Variants in RAB11FIP3 observed in about 807,000 individuals in gnomAD.
The protein encoded by RAB11FIP3 is rab11 family-interacting protein 3.
RAB11FIP3 carries 17 observed loss-of-function variants against 77.8 expected under a neutral mutation model. The observed-to-expected ratio is 0.22, with a 90% CI of 0.15 to 0.33. The LOEUF (loss-of-function observed/expected upper bound fraction) is 0.33. Ranked by LOEUF, RAB11FIP3 falls within the 10% of genes least tolerant of loss-of-function variation. The pLI, the probability that RAB11FIP3 is intolerant of heterozygous loss-of-function variation, is 1.00. For missense variants in RAB11FIP3, 1,005 were observed against 1,011.2 expected (o/e 0.99, Z 0.08); for synonymous variants, 437 against 448.2 (o/e 0.98, Z 0.31).
chr16:518,076 T>C (rs918048536), intron 9 of RAB11FIP3, among the ~76,000 whole-genome samples: 1 of 152,094 alleles, frequency 6.6e-6, no homozygotes. Context: ...AGTGAGACTG[T>C]CTCAAAATAA....
chr16:477,468 G>C (rs947722204), intron 3 of RAB11FIP3, among the ~76,000 whole-genome samples: 1 of 152,164 alleles, frequency 6.6e-6, no homozygotes, highest in Non-Finnish European at 1.5e-5. Flanking sequence ...TGTGCGCTGG[G>C]CTTCGCATCC....
At position 461,948 on chromosome 16, in the gene RAB11FIP3, C is replaced by T. The variant is rs1285889374; in HGVS notation, c.808+451C>T. On this transcript the variant is annotated intron_variant, in intron 2 of 13. Transcript: ENST00000262305. This position sits in a 1 kb window ranked among gnomAD's most constrained non-coding sequence, Gnocchi z 4.5. ...GTAATCAGCATGCTTCCGCGCACAC[C>T]GCCCTGAACACTGCAGCCCGTACCA... Among the ~76,000 whole-genome samples, 3 of 152,326 alleles carry T rather than the reference C, an allele frequency of 2.0e-5. No individual in the cohort carries two copies. Among genetic ancestry groups the T allele is most frequent in the African/African-American group, 7.2e-5 (3 of 41,582 alleles).
chr16:430,291 A>T (rs2055015733), intron 1 of RAB11FIP3, among the ~76,000 whole-genome samples: 1 of 152,052 alleles, frequency 6.6e-6, no homozygotes, highest in African/African-American at 2.4e-5. Flanking sequence ...GTGAGAAAGG[A>T]TTACTTTAAT....
intron 6 of RAB11FIP3, 99 bp downstream of exon 6, chr16:496,958 T>A: frequency 7.6e-7 from 1 of 1,324,058 alleles, no homozygotes; most frequent in Non-Finnish European, 1.1e-6. Context: ...CCAAGGTATT[T>A]TTTAAACTCT....
intron 1 of RAB11FIP3, among the ~76,000 whole-genome samples, chr16:453,987 C>T (rs2055454375): frequency 1.3e-5 from 2 of 152,170 alleles, no homozygotes; most frequent in South Asian, 4.1e-4. Flanking sequence ...GCCTACCTGT[C>T]TTTCTTCCAA....
chr16:517,998 C>T (rs2032495793), intron 9 of RAB11FIP3, among the ~76,000 whole-genome samples: 2 of 152,168 alleles, frequency 1.3e-5, no homozygotes, highest in South Asian at 2.1e-4. Flanking sequence ...AGGAGAATGG[C>T]GTGAACCCGG....
At chr16:493,935 G>C (rs1424969645) in intron 5 of RAB11FIP3, among the ~76,000 whole-genome samples, 3 of 138,776 alleles carry the variant, frequency 2.2e-5, no homozygotes, top group Non-Finnish European at 4.6e-5. Context: ...ACAGAGTCTC[G>C]ATCTGTCACC....
At chr16:464,847 T>C (rs963452422) in intron 2 of RAB11FIP3, among the ~76,000 whole-genome samples, 2 of 152,198 alleles carry the variant, frequency 1.3e-5, no homozygotes, top group African/African-American at 4.8e-5. Context: ...TTTGTGCCAC[T>C]GCACTCCATG....
At chr16:476,572 A>C (rs1482476071) in intron 3 of RAB11FIP3, among the ~76,000 whole-genome samples, 2 of 152,126 alleles carry the variant, frequency 1.3e-5, no homozygotes, top group Non-Finnish European at 2.9e-5. Flanking sequence ...TGGCCAGGGA[A>C]GGGCATCGGG....
At chr16:440,431 C>T (rs1275283708) in intron 1 of RAB11FIP3, among the ~76,000 whole-genome samples, 2 of 152,168 alleles carry the variant, frequency 1.3e-5, no homozygotes, top group Non-Finnish European at 2.9e-5. Flanking sequence ...TCGCTCAGCC[C>T]CTCTGCTGTC....
In RAB11FIP3 at chr16:514,280, C is replaced by G. The variant is rs2032311079; in HGVS notation, c.1640+3480C>G. ...ACCTGCGGTCAGCCCAGCACGAGGC[C>G]TCTGGCATCTTGGGGACTTCCCCAG... On this transcript the variant is annotated intron_variant, in intron 9 of 13. Transcript: ENST00000262305. The surrounding 1 kb of genome is among the most constrained non-coding windows in gnomAD (Gnocchi z 4.6). Among the ~76,000 whole-genome samples, 1 of 152,238 alleles carries G rather than the reference C, an allele frequency of 6.6e-6. No individual in the cohort carries two copies. The highest frequency in any genetic ancestry group is 6.5e-5 in the Admixed American group (1 of 15,286).
intron 1 of RAB11FIP3, among the ~76,000 whole-genome samples, chr16:431,787 C>T (rs1206396330): frequency 7.4e-5 from 11 of 148,164 alleles, no homozygotes; most frequent in Non-Finnish European, 1.2e-4. Flanking sequence ...GATGGAGTCT[C>T]GCTCTGTCAC....
chr16:468,368 G>A (rs1320512025), intron 2 of RAB11FIP3, among the ~76,000 whole-genome samples: 28 of 151,560 alleles, frequency 1.8e-4, no homozygotes, highest in Admixed American at 1.7e-3. Flanking sequence ...CTGGGGCTGC[G>A]GGGTCTGCTT....
rs1220511864 is a variant in RAB11FIP3, at chr16:426,282, G to C, written c.276G>C (p.Pro92=). 1 of 1,227,032 alleles carries C rather than the reference G, an allele frequency of 8.1e-7. No homozygotes were observed. Among genetic ancestry groups the C allele is most frequent in the African/African-American group, 1.6e-5 (1 of 63,530 alleles). 76.0% of individuals were successfully genotyped at this position (1,227,032 alleles called of 1,614,324 possible). A position where few individuals can be genotyped will look rare whatever the true frequency, so the allele number is the denominator to read the frequency against. ...ACCCCGGGCCGTCCGCCCCGCCGCCGCGCTCCGGCCCGCGGGGGCAGCTTG... is the reference window on the plus strand; with the variant it reads ...ACCCCGGGCCGTCCGCCCCGCCGCCCCGCTCCGGCCCGCGGGGGCAGCTTG... ...PRDPGPSAPP[P]RSGPRGQLAS... is the part of the protein sequence containing the mutation. The change falls in exon 1 of 14, where the codon CCG becomes CCC. Residue 92 remains proline, a synonymous_variant. Coordinates refer to ENST00000262305, the MANE Select transcript of RAB11FIP3 (RefSeq NM_014700.4). The surrounding 1 kb of genome is among the most constrained non-coding windows in gnomAD (Gnocchi z 5.0).
At chr16:454,657 G>A (rs1161065655) in intron 1 of RAB11FIP3, among the ~76,000 whole-genome samples, 1 of 152,170 alleles carries the variant, frequency 6.6e-6, no homozygotes, top group Non-Finnish European at 1.5e-5. Flanking sequence ...CCTTGTCCAA[G>A]GTCCCTGAGG....
Position 506,034 on chromosome 16 carries a change from G to C in RAB11FIP3, c.1499+407G>C, listed in dbSNP as rs1596292640. On this transcript the variant is annotated intron_variant, in intron 8 of 13. Coordinates refer to ENST00000262305, the MANE Select transcript of RAB11FIP3 (RefSeq NM_014700.4). This position sits in a 1 kb window ranked among gnomAD's most constrained non-coding sequence, Gnocchi z 4.5. ...CCGTCCTGGAAGAATGCAGGTTAGA[G>C]AAGTCGCTCAGCAGCAGAAAGCGAA... 6.6e-6 allele frequency among the ~76,000 whole-genome samples: 1 copy of C among 152,370 alleles called. No individual in the cohort carries two copies. Among genetic ancestry groups the C allele is most frequent in the East Asian group, 1.9e-4 (1 of 5,188 alleles).
chr16:432,065 T>G (rs1007070069), intron 1 of RAB11FIP3, among the ~76,000 whole-genome samples: 1 of 152,030 alleles, frequency 6.6e-6, no homozygotes, highest in Non-Finnish European at 1.5e-5. Flanking sequence ...TGAAGCTAAA[T>G]TATTTTTATA....
chr16:494,975 G>C, intron 5 of RAB11FIP3, among the ~76,000 whole-genome samples: 1 of 150,516 alleles, frequency 6.6e-6, no homozygotes, highest in African/African-American at 2.5e-5. Context: ...GCTGAGGTGG[G>C]AGGATCACAT....
rs558584452 is a variant in RAB11FIP3, at chr16:448,928, A to G, written c.715-12476A>G. 2.6e-5 allele frequency among the ~76,000 whole-genome samples: 4 copies of G among 152,256 alleles called. No homozygotes were observed. In the South Asian group the frequency reaches 6.2e-4, roughly 24 times the overall value. ...GAAACTCTGTCTAAAAAAAAATTGA[A>G]TAACATAAATAAGTAAATAAATAAG... On this transcript the variant is annotated intron_variant, in intron 1 of 13. Coordinates refer to ENST00000262305, the MANE Select transcript of RAB11FIP3 (RefSeq NM_014700.4).
Sources: allele counts gnomAD v4.1 joint callset (sites outside exome capture counted in the v4.1 genomes callset), GRCh38; gene constraint gnomAD v4.1.1; non-coding constraint Gnocchi (gnomAD v3.1); transcripts MANE v1.5; gene names NCBI Gene and HGNC (gene_info 2026-07-23, HGNC 2026-07-21).